NDRG1: variants seen among roughly 807,000 people sequenced by gnomAD.
NDRG1 encodes the protein N-myc downstream regulated 1, also known as protein NDRG1.
NDRG1 carries 32 observed loss-of-function variants against 56.9 expected under a neutral mutation model. The ratio of observed to expected loss-of-function variants is 0.56; its 90% CI spans 0.42 to 0.76. NDRG1 has a LOEUF of 0.76. Among genes scored for constraint, NDRG1 ranks in the 30% least tolerant of loss-of-function variants. The pLI is 0.00. For synonymous variants in NDRG1, 211 were observed against 204.1 expected (o/e 1.03, Z -0.29); for missense variants, 507 against 545.7 (o/e 0.93, Z 0.71).
At chr8:133,285,187 A>G (rs1217017136) in intron 1 of NDRG1, among the ~76,000 whole-genome samples, 1 of 152,170 alleles carries the variant, frequency 6.6e-6, no homozygotes, top group Non-Finnish European at 1.5e-5. Context: ...TGCCTCCAAG[A>G]GCTGAATCTA....
chr8:133,278,467 G>C (rs1339228705), intron 3 of NDRG1, among the ~76,000 whole-genome samples: 2 of 152,090 alleles, frequency 1.3e-5, no homozygotes. Flanking sequence ...ACCTTCGCAT[G>C]CCCAGCGTCC....
chr8:133,249,226 ATT>A, intron 10 of NDRG1: 1 of 252,704 alleles, frequency 4.0e-6, no homozygotes, highest in African/African-American at 2.2e-5. Flanking sequence ...TCATCTTTCC[ATT>A]CCCTGTCTCA....
chr8:133,258,442 C>T lies in NDRG1; in HGVS notation c.390-16G>A. ...GCTTTTCAGCCTGGAAGCAAAAATA[C>T]AAATGCATGTCACACAAGGACAGAG... On this transcript the variant is annotated splice_polypyrimidine_tract_variant and intron_variant, in intron 6 of 15. Transcript: ENST00000323851. 1 of 1,605,090 alleles carries T rather than the reference C, an allele frequency of 6.2e-7. No individual in the cohort carries two copies. The highest frequency in any genetic ancestry group is 8.5e-7 in the Non-Finnish European group (1 of 1,175,402).
At chr8:133,293,460 T>C (rs1858544900) in intron 1 of NDRG1, among the ~76,000 whole-genome samples, 1 of 152,172 alleles carries the variant, frequency 6.6e-6, no homozygotes, top group African/African-American at 2.4e-5. Flanking sequence ...CACTGGACTC[T>C]GGACAGAAGA....
chr8:133,285,843 G>C (rs1858081879), intron 1 of NDRG1, among the ~76,000 whole-genome samples: 1 of 152,226 alleles, frequency 6.6e-6, no homozygotes, highest in Non-Finnish European at 1.5e-5. Flanking sequence ...GAGGCAGGAG[G>C]CATGAAAGGC....
intron 3 of NDRG1, among the ~76,000 whole-genome samples, chr8:133,268,355 A>C (rs1313101690): frequency 6.6e-6 from 1 of 152,124 alleles, no homozygotes; most frequent in East Asian, 1.9e-4. Flanking sequence ...GAGCACTAAC[A>C]CTTCACCCCA....
intron 6 of NDRG1, 173 bp downstream of exon 6, chr8:133,258,995 C>A: frequency 1.4e-6 from 1 of 733,232 alleles, no homozygotes; most frequent in South Asian, 1.5e-5. Flanking sequence ...CAGACTAGAG[C>A]TCAGAGACTG....
rs1424608418 is a variant in NDRG1 at position 133,280,401 on chromosome 8, CA to C, written c.64-135del. The C allele has an allele frequency of 2.5e-5, 19 of 771,088 alleles. No homozygotes were observed. The African/African-American group carries it at 2.5e-4, about 10-fold the overall frequency. 47.8% of individuals were successfully genotyped at this position (771,088 alleles called of 1,614,324 possible). ...CCTTTGTGGGGTCTCCTTAATTCCT[CA>C]CAAAGGCAGGCTTTCCTTTTCTCTT... On this transcript the variant is annotated intron_variant, in intron 2 of 15. Transcript: ENST00000323851.
intron 5 of NDRG1, chr8:133,259,578 C>T (rs989654452): frequency 2.6e-6 from 1 of 387,294 alleles, no homozygotes; most frequent in Admixed American, 3.6e-5. Flanking sequence ...GATGGTTAGC[C>T]AGAAACATGT....
intron 1 of NDRG1, among the ~76,000 whole-genome samples, chr8:133,287,706 G>A (rs1858195238): frequency 6.6e-6 from 1 of 152,202 alleles, no homozygotes; most frequent in African/African-American, 2.4e-5. Flanking sequence ...TGCCTTAGGG[G>A]CTGCCCTGAG....
At chr8:133,244,553 C>A in intron 13 of NDRG1, 163 bp from the exon 14 acceptor site, 1 of 771,918 alleles carries the variant, frequency 1.3e-6, no homozygotes, top group South Asian at 1.5e-5. Context: ...AACACTCCAG[C>A]CCCACCAGGC....
intron 4 of NDRG1, among the ~76,000 whole-genome samples, chr8:133,264,079 CA>C (rs980993132): frequency 2.0e-5 from 3 of 151,464 alleles, no homozygotes; most frequent in South Asian, 4.2e-4. Context: ...AGCCAGTTAC[CA>C]AAAAAAAATC....
At chr8:133,284,698 A>G (rs1858004178) in intron 1 of NDRG1, 1 of 458,454 alleles carries the variant, frequency 2.2e-6, no homozygotes, top group Non-Finnish European at 4.3e-6. Flanking sequence ...TGCTGATCCC[A>G]AAGTCAGGCA....
intron 5 of NDRG1, chr8:133,259,506 T>G (rs886183628): frequency 4.0e-6 from 2 of 502,640 alleles, no homozygotes; most frequent in Non-Finnish European, 7.3e-6. Context: ...TTTCCCCTCA[T>G]AGCAAGATTA....
In NDRG1 at chr8:133,239,054, G is replaced by A. The variant is rs919923288; in HGVS notation, c.1009C>T (p.Leu337=). ...RTASGSSVTS[L]DGTRSRSHTS... ...TGGGAGCGGCTGCGGGTGCCATCCA[G>A]AGAAGTGACGCTGGAACCAGAGGCT... Residue 337 remains leucine, a synonymous_variant, in exon 16 of 16, where the codon CTG becomes TTG. Transcript: ENST00000323851. 6 of 1,591,026 alleles carry A rather than the reference G, an allele frequency of 3.8e-6. No individual in the cohort carries two copies. In the African/African-American group the frequency reaches 8.0e-5, roughly 21 times the overall value.
intron 3 of NDRG1, chr8:133,264,960 C>T (rs1373792336): frequency 4.7e-6 from 2 of 427,944 alleles, no homozygotes; most frequent in Non-Finnish European, 4.4e-6. Flanking sequence ...ATCTGGAAAA[C>T]AGGCCATCAA....
chr8:133,286,869 G>A (rs922988294), intron 1 of NDRG1, among the ~76,000 whole-genome samples: 1 of 152,196 alleles, frequency 6.6e-6, no homozygotes, highest in Admixed American at 6.5e-5. Context: ...GGGGACTGTG[G>A]GGGCTGCAGG....
rs1855160300 is a variant in NDRG1 at position 133,238,095 on chromosome 8, A to G, written c.*783T>C. On this transcript the variant is annotated 3_prime_UTR_variant, in exon 16 of 16. Transcript: ENST00000323851. ...CAGGGGTGGGAGGTTGGGGCTGTGG[A>G]GGAGAGGCAGAAAGCAGAACTAAAG... The G allele has an allele frequency of 4.3e-6, 1 of 232,986 alleles. No homozygotes were observed. The highest frequency in any genetic ancestry group is 2.2e-5 in the African/African-American group (1 of 45,338). The allele number at this position is 232,986 out of a possible 1,614,324, so 14.4% of individuals were successfully genotyped here.
At chr8:133,257,246 C>T (rs2130721129) in intron 7 of NDRG1, among the ~76,000 whole-genome samples, 1 of 151,618 alleles carries the variant, frequency 6.6e-6, no homozygotes, top group Non-Finnish European at 1.5e-5. Context: ...GTGGCAGTAA[C>T]AACTGTATTA....
Sources: gnomAD v4.1 joint callset for allele counts (sites outside exome capture counted in the v4.1 genomes callset) on GRCh38, gnomAD v4.1.1 for gene constraint, MANE v1.5 for transcripts, NCBI Gene and HGNC (gene_info 2026-07-23, HGNC 2026-07-21) for gene names.